Variants in ZC3H13 observed in about 807,000 individuals in gnomAD.
The protein encoded by ZC3H13 is zinc finger CCCH domain-containing protein 13.
ZC3H13 carries 64 observed loss-of-function variants against 204.1 expected under a neutral mutation model. The observed-to-expected ratio is 0.31, with a 90% CI of 0.26 to 0.39. The LOEUF is 0.39. Ranked by LOEUF, ZC3H13 falls within the 10% of genes least tolerant of loss-of-function variation. ZC3H13 has a pLI of 1.00. For synonymous variants in ZC3H13, 667 were observed against 693.7 expected, an observed-to-expected ratio of 0.96 and a Z score of 0.60; for missense variants, 1,833 against 2,082.7, an observed-to-expected ratio of 0.88 and a Z score of 2.33.
At chr13:46,033,336 T>C (rs1183869819) in intron 4 of ZC3H13, among the ~76,000 whole-genome samples, 3 of 152,114 alleles carry the variant, frequency 2.0e-5, no homozygotes, top group African/African-American at 7.2e-5. Context: ...TTAACAATAT[T>C]ATCTTAATAG....
rs200716019 is a variant in ZC3H13, at chr13:45,975,784, C to G, written c.1967G>C (p.Arg656Pro). ...TCTTCGTTCCTCTCTTCTTTCATCA[C>G]GCTCAAGCTCGTCATTCCTTCCCTG... ...RHQGRNDELE[R>P]DERREERRVD... The change falls in exon 12 of 19, where the codon CGT becomes CCT. Residue 656 changes from arginine to proline, a missense_variant. This residue lies in a region of ZC3H13 where 1,574 missense variants were observed against 1,757.2 expected (regional missense o/e 0.90). Transcript: ENST00000679008. 6.2e-7 allele frequency: 1 copy of G among 1,613,770 alleles called. No individual in the cohort carries two copies. The highest frequency in any genetic ancestry group is 1.3e-5 in the African/African-American group (1 of 74,882).
intron 11 of ZC3H13, among the ~76,000 whole-genome samples, chr13:45,977,544 C>T (rs1043657502): frequency 6.6e-6 from 1 of 152,144 alleles, no homozygotes; most frequent in Admixed American, 6.5e-5. Flanking sequence ...TGTGCTTCTA[C>T]TTACATATTT....
chr13:45,962,230 T>C lies in ZC3H13; in HGVS notation c.4675+1612A>G, dbSNP rs1009725559. On this transcript the variant is annotated intron_variant, in intron 17 of 18. Transcript: ENST00000679008. Reference sequence around the variant, plus strand: ...TCAAGATAATACATCAGTTCTCTAATACAACCACCATAGCAGCAAAAATAG... The same window carrying C: ...TCAAGATAATACATCAGTTCTCTAACACAACCACCATAGCAGCAAAAATAG... 6.1e-6 allele frequency: 6 copies of C among 985,266 alleles called. No individual in the cohort carries two copies. In the African/African-American group the frequency reaches 7.0e-5, roughly 11 times the overall value. The allele number at this position is 985,266 out of a possible 1,614,324, so 61.0% of individuals were successfully genotyped here.
At chr13:46,048,213 A>ACT (rs2044115687) in intron 1 of ZC3H13, among the ~76,000 whole-genome samples, 1 of 151,772 alleles carries the variant, frequency 6.6e-6, no homozygotes, top group Non-Finnish European at 1.5e-5. Flanking sequence ...GATTCGCACT[A>ACT]CTCTCCTCCC....
At chr13:46,016,672 A>G (rs1309215907) in intron 5 of ZC3H13, among the ~76,000 whole-genome samples, 1 of 152,164 alleles carries the variant, frequency 6.6e-6, no homozygotes, top group East Asian at 1.9e-4. Flanking sequence ...AAATGTGTTC[A>G]GTCTGTGAAC....
chr13:45,993,978 C>T (rs988987909), intron 8 of ZC3H13, among the ~76,000 whole-genome samples: 2 of 152,156 alleles, frequency 1.3e-5, no homozygotes, highest in African/African-American at 4.8e-5. Flanking sequence ...CATGCACAAA[C>T]GCAGTATGGT....
intron 3 of ZC3H13, among the ~76,000 whole-genome samples, chr13:46,043,214 C>T (rs1382466278): frequency 1.3e-5 from 2 of 151,926 alleles, no homozygotes; most frequent in African/African-American, 4.8e-5. Context: ...ATATTCACAT[C>T]TATTTCAAGC....
intron 5 of ZC3H13, among the ~76,000 whole-genome samples, chr13:46,016,029 A>G (rs2041889537): frequency 6.6e-6 from 1 of 152,150 alleles, no homozygotes; most frequent in South Asian, 2.1e-4. Flanking sequence ...AACATGTGAA[A>G]AAGTTTTCAA....
chr13:45,961,030 G>T (rs1555267329), intron 17 of ZC3H13, among the ~76,000 whole-genome samples: 1 of 152,162 alleles, frequency 6.6e-6, no homozygotes, highest in Non-Finnish European at 1.5e-5. Flanking sequence ...ATCAGGATCA[G>T]CTGAGGAGCT....
In ZC3H13 at chr13:45,963,203, A is replaced by G. The variant is rs150543017; in HGVS notation, c.4675+639T>C. 6.1e-3 allele frequency: 6,007 copies of G among 982,172 alleles called. 21 individuals are homozygous for G. The highest frequency in any genetic ancestry group is 7.0e-3 in the Non-Finnish European group (5,771 of 826,990). The allele number at this position is 982,172 out of a possible 1,614,324, so 60.8% of individuals were successfully genotyped here. ...GTAATAGCCAGTAAGTGGTGTGCCT[A>G]CTGAAATCCAGATCATCCGGCCTTA... On this transcript the variant is annotated intron_variant, in intron 17 of 18. Transcript: ENST00000679008.
In ZC3H13 at chr13:45,955,673, T is replaced by G. The variant is rs1432593515; in HGVS notation, c.*1454A>C. On this transcript the variant is annotated 3_prime_UTR_variant, in exon 19 of 19. Transcript: ENST00000679008. Reference sequence around the variant, plus strand: ...GGTATTCATTCTCTGAGGTCATACATTTTTTTTTTCTTTATTCAAAACACT... The same window carrying G: ...GGTATTCATTCTCTGAGGTCATACAGTTTTTTTTTCTTTATTCAAAACACT... 2.0e-5 allele frequency: 3 copies of G among 148,868 alleles called. No individual in the cohort carries two copies. Among genetic ancestry groups the G allele is most frequent in the African/African-American group, 7.5e-5 (3 of 39,768 alleles). The allele number at this position is 148,868 out of a possible 1,614,324, so 9.2% of individuals were successfully genotyped here.
At position 45,967,631 on chromosome 13, in the gene ZC3H13, A is replaced by C. The variant is rs746873769; in HGVS notation, c.4194T>G (p.His1398Gln). ...KRCEAKLEGE[H>Q]ERDLESTSRD... ...GGGAAGTGCTTTCTAGATCCCTTTC[A>C]TGTTCACCTTCCAGTTTTGCTTCAC... Residue 1398 changes from histidine (H) to glutamine (Q), a missense_variant, in exon 15 of 19, where the codon CAT becomes CAG. Around this residue, in one of 5 missense-constraint regions of ZC3H13, gnomAD observed 1,574 missense variants for 1,757.2 expected, o/e 0.90. Coordinates refer to ENST00000679008, the MANE Select transcript of ZC3H13 (RefSeq NM_001330564.2). The C allele has an allele frequency of 1.2e-6, 2 of 1,613,988 alleles. No individual in the cohort carries two copies. Among genetic ancestry groups the C allele is most frequent in the Non-Finnish European group, 1.7e-6 (2 of 1,179,990 alleles).
chr13:46,012,780 T>C (rs1249731205), intron 5 of ZC3H13, among the ~76,000 whole-genome samples: 1 of 152,236 alleles, frequency 6.6e-6, no homozygotes, highest in African/African-American at 2.4e-5. Flanking sequence ...CTGAATTTAA[T>C]TAAGTGAATA....
At chr13:46,035,480 T>C (rs1457854760) in intron 4 of ZC3H13, among the ~76,000 whole-genome samples, 3 of 152,188 alleles carry the variant, frequency 2.0e-5, no homozygotes, top group Non-Finnish European at 4.4e-5. Flanking sequence ...AAAATGAAAA[T>C]ATATAGCTAT....
rs1954115959 is a variant in ZC3H13, at chr13:45,985,663, G to C, written c.1354C>G (p.Pro452Ala). 1.2e-6 allele frequency: 2 copies of C among 1,613,816 alleles called. No individual in the cohort carries two copies. Among genetic ancestry groups the C allele is most frequent in the East Asian group, 4.5e-5 (2 of 44,868 alleles). The change falls in exon 10 of 19, where the codon CCT (proline) becomes GCT (alanine). Residue 452 changes from proline (P) to alanine (A), a missense_variant. Coordinates refer to ENST00000679008, the MANE Select transcript of ZC3H13 (RefSeq NM_001330564.2). ...TCTCTCCGATCCCGACCATCTCGAG[G>C]TTCTCTGTCATCTCTGTGGTCTCTA... ...SSRDHRDDRE[P>A]RDGRDRRDAR...
intron 4 of ZC3H13, among the ~76,000 whole-genome samples, chr13:46,027,218 C>A (rs1409149039): frequency 6.6e-6 from 1 of 152,168 alleles, no homozygotes; most frequent in Non-Finnish European, 1.5e-5. Context: ...CATCCTCTCA[C>A]CTCAGCCTCC....
Position 45,969,746 on chromosome 13 carries a change from C to G in ZC3H13, c.2798G>C (p.Arg933Pro). ...QTEILESSRM[R>P]AQDIIGHHQS... ...GTGGTGTCCTATAATGTCCTGTGCACGCATTCTTGAGCTTTCCAGGATTTC... is the reference window on the plus strand; with the variant it reads ...GTGGTGTCCTATAATGTCCTGTGCAGGCATTCTTGAGCTTTCCAGGATTTC... Residue 933 changes from arginine (R) to proline (P), a missense_variant, in exon 14 of 19, where the codon CGT becomes CCT. Physicochemically the swap from Arg to Pro is moderately radical, Grantham distance 103 (BLOSUM62 -2). Around this residue, in one of 5 missense-constraint regions of ZC3H13, gnomAD observed 1,574 missense variants for 1,757.2 expected, o/e 0.90. Coordinates refer to ENST00000679008, the MANE Select transcript of ZC3H13 (RefSeq NM_001330564.2). 1 of 1,613,824 alleles carries G rather than the reference C, an allele frequency of 6.2e-7. No homozygotes were observed. Among genetic ancestry groups the G allele is most frequent in the Non-Finnish European group, 8.5e-7 (1 of 1,180,008 alleles).
intron 4 of ZC3H13, among the ~76,000 whole-genome samples, chr13:46,039,255 A>C (rs1032631966): frequency 6.6e-6 from 1 of 152,196 alleles, no homozygotes; most frequent in Admixed American, 6.5e-5. Context: ...ACTTTATTTG[A>C]TGAACATAAA....
chr13:46,047,218 T>C (rs145649139), intron 1 of ZC3H13, among the ~76,000 whole-genome samples: 162 of 152,270 alleles, frequency 1.1e-3, no homozygotes, highest in Non-Finnish European at 1.8e-3. Context: ...TAAAAGATGG[T>C]GCATCAAGGA....
Sources: allele counts gnomAD v4.1 joint callset (sites outside exome capture counted in the v4.1 genomes callset), GRCh38; gene constraint gnomAD v4.1.1; regional missense constraint gnomAD v4.1.1; transcripts MANE v1.5; gene names NCBI Gene and HGNC (gene_info 2026-07-23, HGNC 2026-07-21).